Variants in THADA observed in about 807,000 individuals in gnomAD.
THADA encodes tRNA (32-2'-O)-methyltransferase regulator THADA.
THADA carries 213 observed loss-of-function variants against 219.8 expected under a neutral mutation model. The observed-to-expected ratio is 0.97, with a 90% CI of 0.87 to 1.09. THADA has a LOEUF of 1.09. THADA is among the 50% of genes least tolerant of loss of function. The pLI is 0.00. For missense variants in THADA, 2,956 were observed against 2,311.3 expected, an observed-to-expected ratio of 1.28 and a Z score of -5.72; for synonymous variants, 1,018 against 828.9, an observed-to-expected ratio of 1.23 and a Z score of -3.92.
At chr2:43,484,014 T>C (rs144212428) in intron 26 of THADA, among the ~76,000 whole-genome samples, 292 of 152,074 alleles carry the variant, frequency 1.9e-3, no homozygotes, top group African/African-American at 6.7e-3. Flanking sequence ...GAAGAATTTC[T>C]TTAAGAACAG....
chr2:43,567,666 C>G (rs1698841729), intron 14 of THADA, among the ~76,000 whole-genome samples: 1 of 152,264 alleles, frequency 6.6e-6, no homozygotes, highest in South Asian at 2.1e-4. Flanking sequence ...ATCATTCAAA[C>G]CGTATTGTCA....
At chr2:43,246,232 C>T (rs577082315) in intron 36 of THADA, among the ~76,000 whole-genome samples, 3 of 152,246 alleles carry the variant, frequency 2.0e-5, no homozygotes, top group South Asian at 2.1e-4. Context: ...TGGTGGCTCA[C>T]GCCTGTAATC....
intron 14 of THADA, among the ~76,000 whole-genome samples, chr2:43,568,973 T>G (rs1415352086): frequency 3.3e-5 from 5 of 152,102 alleles, no homozygotes; most frequent in Non-Finnish European, 7.3e-5. Flanking sequence ...AAATTTTTAT[T>G]TATTAATTTT....
intron 20 of THADA, among the ~76,000 whole-genome samples, chr2:43,543,896 T>C (rs1404913355): frequency 2.6e-5 from 4 of 151,982 alleles, no homozygotes; most frequent in African/African-American, 7.2e-5. Context: ...TTTGTCAATT[T>C]TGGCTTTTGT....
At chr2:43,245,345 G>C (rs1231921284) in intron 36 of THADA, among the ~76,000 whole-genome samples, 1 of 151,622 alleles carries the variant, frequency 6.6e-6, no homozygotes, top group Non-Finnish European at 1.5e-5. Flanking sequence ...GCTAATTTTT[G>C]TAATTTTAGT....
chr2:43,578,895 G>C (rs534746667), intron 8 of THADA, among the ~76,000 whole-genome samples: 1 of 152,286 alleles, frequency 6.6e-6, no homozygotes, highest in Non-Finnish European at 1.5e-5. Flanking sequence ...GTAGTAGCGT[G>C]ACCTCAGCTC....
At chr2:43,541,414 T>C (rs1558938293) in intron 20 of THADA, 98 bp from the exon 21 acceptor site, 1 of 1,372,740 alleles carries the variant, frequency 7.3e-7, no homozygotes, top group Non-Finnish European at 1.0e-6. Context: ...AATAATCTGC[T>C]TGAACAAACC....
At chr2:43,401,944 T>C (rs1412371515) in intron 28 of THADA, among the ~76,000 whole-genome samples, 1 of 144,338 alleles carries the variant, frequency 6.9e-6, no homozygotes. Flanking sequence ...TTGTTGTTTT[T>C]TTTTTTAAAA....
At chr2:43,362,259 T>C (rs927940598) in intron 29 of THADA, among the ~76,000 whole-genome samples, 1 of 152,226 alleles carries the variant, frequency 6.6e-6, no homozygotes, top group African/African-American at 2.4e-5. Flanking sequence ...ATGATGATCT[T>C]ACATTTGCAG....
rs80354596 is a variant in THADA, at chr2:43,426,466, T to A, written c.4058+1634A>T. Among the ~76,000 whole-genome samples, 1,499 of 152,328 alleles carry A rather than the reference T, an allele frequency of 9.8e-3. 27 individuals are homozygous for A. The highest frequency in any genetic ancestry group is 0.035 in the African/African-American group (1,435 of 41,570). On this transcript the variant is annotated intron_variant, in intron 28 of 37. Transcript: ENST00000405975. ...GAAAACATTTCTTAGTTCTTTCCAC[T>A]TATTCATGAAAGAACAATTTTTAAG...
intron 29 of THADA, among the ~76,000 whole-genome samples, chr2:43,368,868 G>A (rs1251435190): frequency 6.6e-6 from 1 of 151,906 alleles, no homozygotes; most frequent in Non-Finnish European, 1.5e-5. Flanking sequence ...AAACCTACTG[G>A]CTCAAATTCT....
At chr2:43,549,416 G>C (rs1221173242) in intron 19 of THADA, 48 bp from the exon 20 acceptor site, 3 of 1,535,044 alleles carry the variant, frequency 2.0e-6, no homozygotes, top group Admixed American at 2.4e-5. Flanking sequence ...CACATCACAT[G>C]CCAGATTTCC....
At chr2:43,571,492 T>TG (rs1394103643) in intron 13 of THADA, among the ~76,000 whole-genome samples, 1 of 151,308 alleles carries the variant, frequency 6.6e-6, no homozygotes, top group African/African-American at 2.4e-5. Flanking sequence ...AAAAAAATGG[T>TG]GGGGGGAGGG....
At chr2:43,359,259 T>C (rs910305324) in intron 29 of THADA, among the ~76,000 whole-genome samples, 2 of 152,206 alleles carry the variant, frequency 1.3e-5, no homozygotes, top group African/African-American at 4.8e-5. Flanking sequence ...CCTCTCCAAA[T>C]CTTGAGCCCC....
At chr2:43,242,190 T>A (rs889301010) in intron 36 of THADA, among the ~76,000 whole-genome samples, 8 of 152,238 alleles carry the variant, frequency 5.3e-5, no homozygotes, top group African/African-American at 1.7e-4. Flanking sequence ...TGTCTTTCCT[T>A]TCCCAGGACT....
intron 30 of THADA, among the ~76,000 whole-genome samples, chr2:43,322,427 C>CCGGA (rs1370216794): frequency 1.3e-5 from 2 of 151,864 alleles, no homozygotes; most frequent in African/African-American, 4.8e-5. Context: ...TCACTTGAAC[C>CCGGA]TGGAAGGCAG....
intron 10 of THADA, among the ~76,000 whole-genome samples, chr2:43,576,507 C>G (rs1406026888): frequency 6.6e-6 from 1 of 152,124 alleles, no homozygotes; most frequent in Non-Finnish European, 1.5e-5. Context: ...ATTTGAGGAT[C>G]ACATTAGATT....
intron 30 of THADA, among the ~76,000 whole-genome samples, chr2:43,341,196 A>T (rs1019084311): frequency 1.3e-5 from 2 of 152,186 alleles, no homozygotes; most frequent in Non-Finnish European, 2.9e-5. Context: ...CACAAAGCGG[A>T]AAGTTCACAC....
intron 30 of THADA, among the ~76,000 whole-genome samples, chr2:43,328,336 T>C (rs955702015): frequency 2.0e-5 from 3 of 152,230 alleles, no homozygotes; most frequent in African/African-American, 7.2e-5. Context: ...TCGTTTACCT[T>C]GCCCTCCCTG....
Sources: gnomAD v4.1 joint callset for allele counts (sites outside exome capture counted in the v4.1 genomes callset) on GRCh38, gnomAD v4.1.1 for gene constraint, MANE v1.5 for transcripts, NCBI Gene and HGNC (gene_info 2026-07-23, HGNC 2026-07-21) for gene names.